FRMD3: variants seen among roughly 807,000 people sequenced by gnomAD.
FRMD3 encodes FERM domain-containing protein 3.
In FRMD3, 33 loss-of-function variants were observed where a neutral mutation model predicts 70.2. The observed-to-expected ratio is 0.47, with a 90% CI of 0.36 to 0.63. The LOEUF (loss-of-function observed/expected upper bound fraction) is 0.63, where lower values mean the gene tolerates loss of function less well. Among genes scored for constraint, FRMD3 ranks in the 20% least tolerant of loss-of-function variants. The probability of loss-of-function intolerance (pLI) is 0.00; values close to 1 mark genes in which losing one functional copy is unlikely to be tolerated. For missense variants in FRMD3, 632 were observed against 711.4 expected, an observed-to-expected ratio of 0.89 and a Z score of 1.27; for synonymous variants, 279 against 255.9, an observed-to-expected ratio of 1.09 and a Z score of -0.86.
At chr9:83,548,959 CT>C in the FRMD3 span, among the ~76,000 whole-genome samples, 2 of 151,424 alleles carry the variant, frequency 1.3e-5, no homozygotes, top group Non-Finnish European at 3.0e-5. Context: ...TTACAGATTT[CT>C]TTTTTTTATT....
chr9:83,548,183 A>C, the FRMD3 span, among the ~76,000 whole-genome samples: 1 of 152,240 alleles, frequency 6.6e-6, no homozygotes, highest in East Asian at 1.9e-4. Context: ...GAAACTAAAC[A>C]TAAGCTTAGC....
chr9:83,376,577 G>A (rs1173661416), intron 2 of FRMD3, among the ~76,000 whole-genome samples: 1 of 151,218 alleles, frequency 6.6e-6, no homozygotes, highest in Non-Finnish European at 1.5e-5. Flanking sequence ...ACTCAAAGGA[G>A]TACACAGTTC....
chr9:83,309,471 G>A, intron 10 of FRMD3, 65 bp downstream of exon 10: 3 of 938,090 alleles, frequency 3.2e-6, no homozygotes, highest in Non-Finnish European at 4.9e-6. Flanking sequence ...GCAGCCATTT[G>A]CAAAACATAA....
At chr9:83,443,769 C>T (rs147156718) in intron 1 of FRMD3, among the ~76,000 whole-genome samples, 1,751 of 152,218 alleles carry the variant, frequency 0.012, 15 homozygotes, top group Admixed American at 0.018. Context: ...AGTGTAAAAG[C>T]GCTCCTATTT....
intron 1 of FRMD3, among the ~76,000 whole-genome samples, chr9:83,457,060 G>A (rs1827839539): frequency 6.6e-6 from 1 of 152,108 alleles, no homozygotes; most frequent in African/African-American, 2.4e-5. Context: ...TTAAAAGGAA[G>A]GTGCTATAAA....
rs995668873 is a variant in FRMD3 at position 83,355,255 on chromosome 9, T to C, written c.296-5498A>G. Among the ~76,000 whole-genome samples, 3 of 152,304 alleles carry C rather than the reference T, an allele frequency of 2.0e-5. No individual in the cohort carries two copies. In the East Asian group the frequency reaches 5.8e-4, roughly 29 times the overall value. On this transcript the variant is annotated intron_variant, in intron 3 of 13. Transcript: ENST00000304195. ...AAAGATCCTTCTCTGTGCCAAACAT[T>C]TGGTGCAGAATCAGTACAGGAAATG...
chr9:83,297,619 C>T, intron 12 of FRMD3: 2 of 405,552 alleles, frequency 4.9e-6, no homozygotes, highest in South Asian at 3.7e-5. Flanking sequence ...AGGAGGGAAC[C>T]ATAAAGACTT....
chr9:83,421,051 C>A (rs1003635235), intron 1 of FRMD3, among the ~76,000 whole-genome samples: 2 of 150,426 alleles, frequency 1.3e-5, no homozygotes, highest in Admixed American at 1.3e-4. Flanking sequence ...CGCCATTCTC[C>A]TGCCTCAGCC....
At chr9:83,360,352 A>G (rs1238769965) in intron 3 of FRMD3, among the ~76,000 whole-genome samples, 2 of 152,186 alleles carry the variant, frequency 1.3e-5, no homozygotes, top group Non-Finnish European at 2.9e-5. Context: ...GCATCCAAAA[A>G]TCAGGCATTA....
intron 3 of FRMD3, among the ~76,000 whole-genome samples, chr9:83,365,562 G>C (rs1824759368): frequency 6.6e-6 from 1 of 152,078 alleles, no homozygotes; most frequent in African/African-American, 2.4e-5. Context: ...GGGAAGGCAA[G>C]TGGAGAGATT....
intron 1 of FRMD3, among the ~76,000 whole-genome samples, chr9:83,489,614 C>T (rs1399990451): frequency 6.6e-6 from 1 of 152,112 alleles, no homozygotes; most frequent in East Asian, 1.9e-4. Context: ...ATAACAGATG[C>T]TAGCAAGGCT....
chr9:83,478,453 T>C (rs1318432640), intron 1 of FRMD3, among the ~76,000 whole-genome samples: 1 of 152,150 alleles, frequency 6.6e-6, no homozygotes, highest in African/African-American at 2.4e-5. Flanking sequence ...CATAATGAGA[T>C]ACCACTTCAC....
At chr9:83,540,769 T>C (rs116571256), upstream of FRMD3, among the ~76,000 whole-genome samples, 715 of 152,362 alleles carry the variant, frequency 4.7e-3, 11 homozygotes, top group African/African-American at 0.017. Flanking sequence ...TATCAGCTTA[T>C]GACTTTTAAA....
chr9:83,418,637 T>G (rs1490404224), intron 1 of FRMD3, among the ~76,000 whole-genome samples: 1 of 152,158 alleles, frequency 6.6e-6, no homozygotes, highest in Non-Finnish European at 1.5e-5. Context: ...TAATAGATCT[T>G]GGTGTGAATA....
chr9:83,368,787 C>T (rs1018746667), intron 3 of FRMD3, among the ~76,000 whole-genome samples: 2 of 152,152 alleles, frequency 1.3e-5, no homozygotes, highest in African/African-American at 4.8e-5. Context: ...TGGCTAAAAG[C>T]TCCTTGACTA....
chr9:83,453,109 A>G (rs1307335297), intron 1 of FRMD3, among the ~76,000 whole-genome samples: 1 of 149,144 alleles, frequency 6.7e-6, no homozygotes, highest in Non-Finnish European at 1.5e-5. Flanking sequence ...GCCTGCCTCA[A>G]CCTCCCAAAG....
intron 1 of FRMD3, among the ~76,000 whole-genome samples, chr9:83,416,221 T>C (rs1401375794): frequency 2.0e-5 from 3 of 152,222 alleles, no homozygotes; most frequent in African/African-American, 7.2e-5. Context: ...TTTCCATTAG[T>C]GCAGGATCCA....
intron 1 of FRMD3, among the ~76,000 whole-genome samples, chr9:83,423,018 T>G (rs886756913): frequency 1.3e-5 from 2 of 152,120 alleles, no homozygotes; most frequent in African/African-American, 4.8e-5. Flanking sequence ...CAACTAAAAT[T>G]ATTTGAACTC....
At position 83,386,589 on chromosome 9, in the gene FRMD3, C is replaced by T. The variant is rs143563639; in HGVS notation, c.252+3015G>A. The stretch of plus-strand genomic sequence containing the variant: ...ATAAAGTATAACCTTCACTCATCTT[C>T]CCCTAATGTTAGCATCCTGTGTAAT... On this transcript the variant is annotated intron_variant, in intron 2 of 13. Coordinates refer to ENST00000304195, the MANE Select transcript of FRMD3 (RefSeq NM_174938.6). Among the ~76,000 whole-genome samples, 339 of 152,248 alleles carry T rather than the reference C, an allele frequency of 2.2e-3. 2 individuals are homozygous for T. The highest frequency in any genetic ancestry group is 0.01 in the Middle Eastern group (3 of 294).
Sources: gnomAD v4.1 joint callset for allele counts (sites outside exome capture counted in the v4.1 genomes callset) on GRCh38, gnomAD v4.1.1 for gene constraint, MANE v1.5 for transcripts, NCBI Gene and HGNC (gene_info 2026-07-23, HGNC 2026-07-21) for gene names.